The following BZW1 variants were observed in gnomAD, a reference collection of about 807,000 sequenced individuals.
The protein encoded by BZW1 is basic leucine zipper and W2 domains 1.
In BZW1, 3 loss-of-function variants were observed where a neutral mutation model predicts 54.1. The ratio of observed to expected loss-of-function variants is 0.06; its 90% confidence interval spans 0.03 to 0.14. The LOEUF (loss-of-function observed/expected upper bound fraction) is 0.14, where lower values mean the gene tolerates loss of function less well. Ranked by LOEUF, BZW1 falls within the 10% of genes least tolerant of loss-of-function variation. The probability of loss-of-function intolerance (pLI) is 1.00; values close to 1 mark genes in which losing one functional copy is unlikely to be tolerated. For missense variants in BZW1, 206 were observed against 491.7 expected, an observed-to-expected ratio of 0.42 and a Z score of 5.50; for synonymous variants, 152 against 162.7, an observed-to-expected ratio of 0.93 and a Z score of 0.50.
chr2:200,822,025 T>G, intron 11 of BZW1, 122 bp from the exon 12 acceptor site: 1 of 861,614 alleles, frequency 1.2e-6, no homozygotes, highest in Non-Finnish European at 1.9e-6. Context: ...GCCAAGAGGG[T>G]GCTGCTGCAT....
Position 200,815,290 on chromosome 2 carries a change from A to G in BZW1, c.65-51A>G, listed in dbSNP as rs1487925236. 5.9e-6 allele frequency: 9 copies of G among 1,522,864 alleles called. No individual in the cohort carries two copies. The African/African-American group carries it at 1.3e-4, about 21-fold the overall frequency. 94.3% of individuals were successfully genotyped at this position (1,522,864 alleles called of 1,614,324 possible). On this transcript the variant is annotated intron_variant, in intron 2 of 11. Coordinates refer to ENST00000409600, the MANE Select transcript of BZW1 (RefSeq NM_001207067.2). Reference sequence around the variant, plus strand: ...CTTCATAAGGTGATAGTTTTGTGGCATTTTGGTAAATCTTTTAAAACTAAA... The same window carrying G: ...CTTCATAAGGTGATAGTTTTGTGGCGTTTTGGTAAATCTTTTAAAACTAAA...
intron 8 of BZW1, 32 bp from the exon 9 acceptor site, chr2:200,818,723 A>C: frequency 6.4e-7 from 1 of 1,568,592 alleles, no homozygotes; most frequent in Non-Finnish European, 8.6e-7. Flanking sequence ...ATCAAAACTG[A>C]CTTCTGTTAC....
chr2:200,821,579 T>C (rs1481935931), intron 11 of BZW1, among the ~76,000 whole-genome samples: 1 of 151,854 alleles, frequency 6.6e-6, no homozygotes, highest in Non-Finnish European at 1.5e-5. Context: ...TAATTAAAAA[T>C]ATAGAGACAG....
At position 200,826,407 on chromosome 2, in the gene BZW1, A is replaced by AGAT. The variant is rs1559318394; in HGVS notation, c.*4229_*4230insGAT. ...TAGATAGATAGATAGATAGATAGAT[A>AGAT]TTTTTTTTTTTTTTTTTTTTTTTTT... On this transcript the variant is annotated 3_prime_UTR_variant, in exon 12 of 12. Transcript: ENST00000409600. The AGAT allele has an allele frequency of 4.7e-4, 26 of 54,954 alleles. No homozygotes were observed. Among genetic ancestry groups the AGAT allele is most frequent in the South Asian group, 3.7e-3 (7 of 1,890 alleles). 3.4% of individuals were successfully genotyped at this position (54,954 alleles called of 1,614,324 possible). A position where few individuals can be genotyped will look rare whatever the true frequency, so the allele number is the denominator to read the frequency against.
Position 200,815,658 on chromosome 2 carries a change from CA to C in BZW1, c.242-7del. The C allele has an allele frequency of 6.3e-7, 1 of 1,588,464 alleles. No homozygotes were observed. The highest frequency in any genetic ancestry group is 8.6e-7 in the Non-Finnish European group (1 of 1,166,726). ...GGTTTTGTTGTATTTTGGTTTTATC[CA>C]ACTTTAGCCCCAGGTGGTACACTGG... is the stretch of plus-strand genomic sequence containing the variant. On this transcript the variant is annotated splice_region_variant and splice_polypyrimidine_tract_variant and intron_variant, in intron 3 of 11. Coordinates refer to ENST00000409600, the MANE Select transcript of BZW1 (RefSeq NM_001207067.2).
At chr2:200,821,110 C>T in intron 10 of BZW1, 73 bp from the exon 11 acceptor site, 1 of 1,535,264 alleles carries the variant, frequency 6.5e-7, no homozygotes, top group South Asian at 1.2e-5. Flanking sequence ...CAGGCATTTG[C>T]ACATTAGGTG....
chr2:200,823,978 G>A lies in BZW1; in HGVS notation c.*1800G>A, dbSNP rs920511142. 1 of 152,084 alleles carries A rather than the reference G, an allele frequency of 6.6e-6. No individual in the cohort carries two copies. The highest frequency in any genetic ancestry group is 2.4e-5 in the African/African-American group (1 of 41,384). 9.4% of individuals were successfully genotyped at this position (152,084 alleles called of 1,614,324 possible). A position where few individuals can be genotyped will look rare whatever the true frequency, so the allele number is the denominator to read the frequency against. On this transcript the variant is annotated 3_prime_UTR_variant, in exon 12 of 12. Transcript: ENST00000409600. ...TCCCAAACTGTAAACCACCTACACA[G>A]AATTCTGGTGTAGCTAAAACTACAT...
intron 10 of BZW1, among the ~76,000 whole-genome samples, chr2:200,820,370 C>G (rs2105702822): frequency 6.6e-6 from 1 of 152,292 alleles, no homozygotes; most frequent in Non-Finnish European, 1.5e-5. Flanking sequence ...CTCCTATACT[C>G]TTAACCAGGT....
At chr2:200,817,914 G>C in intron 6 of BZW1, 60 bp from the exon 7 acceptor site, 1 of 1,174,330 alleles carries the variant, frequency 8.5e-7, no homozygotes. Flanking sequence ...GGATATAGGG[G>C]GACACAGTGA....
Position 200,826,980 on chromosome 2 carries a change from A to G in BZW1, c.*4802A>G, listed in dbSNP as rs1017214325. The stretch of plus-strand genomic sequence containing the variant: ...TCTGAAATCCTGAAGGCTATGCTTA[A>G]AAGTTAGAGATAAACCTGTTGGAAA... On this transcript the variant is annotated 3_prime_UTR_variant, in exon 12 of 12. Coordinates refer to ENST00000409600, the MANE Select transcript of BZW1 (RefSeq NM_001207067.2). 6.6e-6 allele frequency: 1 copy of G among 152,144 alleles called. No individual in the cohort carries two copies. Among genetic ancestry groups the G allele is most frequent in the African/African-American group, 2.4e-5 (1 of 41,442 alleles). The allele number at this position is 152,144 out of a possible 1,614,324, so 9.4% of individuals were successfully genotyped here. A position where few individuals can be genotyped will look rare whatever the true frequency, so the allele number is the denominator to read the frequency against.
At chr2:200,814,783 A>G (rs1051077751) in intron 2 of BZW1, among the ~76,000 whole-genome samples, 1 of 152,150 alleles carries the variant, frequency 6.6e-6, no homozygotes, top group Non-Finnish European at 1.5e-5. Flanking sequence ...TGATTACCTA[A>G]TTTCTCTGAC....
chr2:200,812,396 G>T, intron 1 of BZW1: 1 of 1,281,246 alleles, frequency 7.8e-7, no homozygotes, highest in South Asian at 2.6e-5. Flanking sequence ...GCTTTCGCTG[G>T]AGGGCGGGCG....
Position 200,825,457 on chromosome 2 carries a change from C to T in BZW1, c.*3279C>T, listed in dbSNP as rs1259037138. 6.6e-6 allele frequency: 1 copy of T among 152,094 alleles called. No individual in the cohort carries two copies. The highest frequency in any genetic ancestry group is 1.5e-5 in the Non-Finnish European group (1 of 68,016). 9.4% of individuals were successfully genotyped at this position (152,094 alleles called of 1,614,324 possible). ...AAGAAGACCTAGTGATAGACCTTTG[C>T]ATTGGCAGGCATGTCTTTATGTTTA... On this transcript the variant is annotated 3_prime_UTR_variant, in exon 12 of 12. Coordinates refer to ENST00000409600, the MANE Select transcript of BZW1 (RefSeq NM_001207067.2).
chr2:200,821,155 C>T, intron 10 of BZW1, 28 bp from the exon 11 acceptor site: 1 of 1,610,274 alleles, frequency 6.2e-7, no homozygotes, highest in Non-Finnish European at 8.5e-7. Flanking sequence ...TATTAAAACT[C>T]CCTTAATGCA....
In BZW1 at chr2:200,815,940, A is replaced by C. The variant is rs190232578; in HGVS notation, c.336+179A>C. ...AAACTTAAGGTGTGTTAAGGCGAAC[A>C]AAATAGGGAAAAATGAAATTAACTC... is the stretch of plus-strand genomic sequence containing the variant. On this transcript the variant is annotated intron_variant, in intron 4 of 11. Transcript: ENST00000409600. Among the ~76,000 whole-genome samples, 283 of 152,364 alleles carry C rather than the reference A, an allele frequency of 1.9e-3. 2 individuals carry two copies. Among genetic ancestry groups the C allele is most frequent in the South Asian group, 3.7e-3 (18 of 4,832 alleles).
chr2:200,820,915 A>G (rs1190646706), intron 10 of BZW1, among the ~76,000 whole-genome samples: 3 of 152,242 alleles, frequency 2.0e-5, no homozygotes, highest in African/African-American at 7.2e-5. Context: ...AACCTGGTCT[A>G]AAGTGGCTAG....
chr2:200,817,114 G>C lies in BZW1; in HGVS notation c.411G>C (p.Leu137=), dbSNP rs781738206. The change falls in exon 6 of 12, where the codon CTG becomes CTC. Residue 137 remains leucine (L), a synonymous_variant. Coordinates refer to ENST00000409600, the MANE Select transcript of BZW1 (RefSeq NM_001207067.2). ...TGTTTTACTTTTTACAGCTGCTGCT[G>C]TTCTTGAAGGGTTTTTCAGAGTCGG... ...GFEDEVKKLL[L]FLKGFSESER... 1.2e-5 allele frequency: 19 copies of C among 1,613,644 alleles called. No homozygotes were observed. The highest frequency in any genetic ancestry group is 3.4e-6 in the Non-Finnish European group (4 of 1,179,854).
intron 1 of BZW1, chr2:200,812,708 G>C (rs2038124994): frequency 7.1e-6 from 6 of 846,256 alleles, no homozygotes; most frequent in Non-Finnish European, 9.7e-6. Flanking sequence ...CAAGGCGGCC[G>C]CTGTTGCGGT....
Position 200,815,333 on chromosome 2 carries a change from C to A in BZW1, c.65-8C>A, listed in dbSNP as rs764557922. ...AAACTAAATGTTTTGGGTCCCTTGT[C>A]CCCCCAGATGAAAAAGAGAGGTTTG... On this transcript the variant is annotated splice_polypyrimidine_tract_variant and splice_region_variant and intron_variant, in intron 2 of 11. Transcript: ENST00000409600. 35 of 1,583,250 alleles carry A rather than the reference C, an allele frequency of 2.2e-5. No homozygotes were observed. Among genetic ancestry groups the A allele is most frequent in the Non-Finnish European group, 2.9e-5 (34 of 1,163,486 alleles).
Sources: allele counts gnomAD v4.1 joint callset (sites outside exome capture counted in the v4.1 genomes callset), GRCh38; gene constraint gnomAD v4.1.1; transcripts MANE v1.5; gene names NCBI Gene and HGNC (gene_info 2026-07-23, HGNC 2026-07-21).